APC2: variants seen among roughly 807,000 people sequenced by gnomAD.
APC2 encodes the protein adenomatous polyposis coli protein 2.
In APC2, 41 loss-of-function variants were observed where a neutral mutation model predicts 72.5. The ratio of observed to expected loss-of-function variants is 0.57; its 90% confidence interval spans 0.44 to 0.73. APC2 has a LOEUF of 0.73. Among genes scored for constraint, APC2 ranks in the 30% least tolerant of loss-of-function variants. APC2 has a pLI of 0.00. For synonymous variants in APC2, 1,898 were observed against 1,612.0 expected (o/e 1.18, Z -4.25); for missense variants, 3,729 against 3,403.4 (o/e 1.10, Z -2.38).
At chr19:1,446,640 C>T (rs1194590118), upstream of APC2, among the ~76,000 whole-genome samples, 1 of 152,058 alleles carries the variant, frequency 6.6e-6, no homozygotes, top group East Asian at 1.9e-4. The surrounding 1 kb of genome is among the most constrained non-coding windows in gnomAD (Gnocchi z 6.1). Flanking sequence ...CCTCGGACCC[C>T]TCCTCACTGC....
chr19:1,467,960 GGCTGCACCA>G lies in APC2; in HGVS notation c.4665_4673del (p.Ala1557_Pro1559del). On this transcript the variant is annotated inframe_deletion, in exon 15 of 15. Coordinates refer to ENST00000590469, the MANE Select transcript of APC2 (RefSeq NM_005883.3). ...GGAAGGAGGCCCCTGCCCCGTCCAAGGCTGCACCAGCTGCCCCGCCGCCCGCCCGGACCC... is the reference window on the plus strand; with the variant it reads ...GGAAGGAGGCCCCTGCCCCGTCCAAGGCTGCCCCGCCGCCCGCCCGGACCC... The G allele has an allele frequency of 6.3e-7, 1 of 1,581,696 alleles. No homozygotes were observed. The highest frequency in any genetic ancestry group is 1.1e-5 in the South Asian group (1 of 89,262).
rs899933553 is a variant in APC2, at chr19:1,452,870, C to G, written c.-18-114C>G. The G allele has an allele frequency of 3.8e-6, 5 of 1,318,594 alleles. No homozygotes were observed. The highest frequency in any genetic ancestry group is 2.5e-5 in the East Asian group (1 of 40,062). The allele number at this position is 1,318,594 out of a possible 1,614,324, so 81.7% of individuals were successfully genotyped here. ...CAGTGACTCCTGCCTGAGACCCCCC[C>G]CAACCCAGGATCAGGCAGGACGGCT... is the stretch of plus-strand genomic sequence containing the variant. On this transcript the variant is annotated intron_variant, in intron 1 of 14. Coordinates refer to ENST00000590469, the MANE Select transcript of APC2 (RefSeq NM_005883.3). This position sits in a 1 kb window ranked among gnomAD's most constrained non-coding sequence, Gnocchi z 5.1.
rs1468115407 is a variant in APC2, at chr19:1,466,227, G to C, written c.2926G>C (p.Ala976Pro). The part of the protein sequence containing the change: ...RLDLDLPGCQ[A>P]EPPAREATSA... Reference sequence around the variant, plus strand: ...TGACCTTGACCTGCCCGGCTGCCAGGCCGAGCCCCCGGCCCGCGAGGCCAC... The same window carrying C: ...TGACCTTGACCTGCCCGGCTGCCAGCCCGAGCCCCCGGCCCGCGAGGCCAC... The change falls in exon 15 of 15, where the codon GCC becomes CCC. Residue 976 changes from alanine to proline, a missense_variant. Coordinates refer to ENST00000590469, the MANE Select transcript of APC2 (RefSeq NM_005883.3). The C allele has an allele frequency of 6.5e-7, 1 of 1,543,646 alleles. No homozygotes were observed. The highest frequency in any genetic ancestry group is 1.2e-5 in the South Asian group (1 of 84,570).
intron 9 of APC2, 70 bp from the exon 10 acceptor site, chr19:1,457,895 C>CGGGTGGGGGG: frequency 8.1e-7 from 1 of 1,233,430 alleles, no homozygotes; most frequent in Non-Finnish European, 1.1e-6. Flanking sequence ...GGGCGGGTTG[C>CGGGTGGGGGG]GGGACCTTCG....
intron 4 of APC2, 116 bp downstream of exon 4, chr19:1,453,727 AC>A: frequency 7.4e-7 from 1 of 1,343,804 alleles, no homozygotes; most frequent in South Asian, 1.4e-5. Context: ...CACACGCCCC[AC>A]CCACTTGCAT....
rs1158394686 is a variant in APC2 at position 1,471,096 on chromosome 19, G to T, written c.*883G>T. The stretch of plus-strand genomic sequence containing the variant: ...TCGGCCCGGCGCAGCCGCGGCGGGC[G>T]AGGCCAATGGAAAGGAGACTGAGGG... On this transcript the variant is annotated 3_prime_UTR_variant, in exon 15 of 15. Transcript: ENST00000590469. The T allele has an allele frequency of 6.6e-6, 1 of 152,422 alleles. No homozygotes were observed. The highest frequency in any genetic ancestry group is 1.9e-4 in the East Asian group (1 of 5,168). The allele number at this position is 152,422 out of a possible 1,614,324, so 9.4% of individuals were successfully genotyped here.
In APC2 at chr19:1,450,259, T is replaced by G. The variant is rs1162358476; in HGVS notation, c.-98T>G. ...TCCGAGGCCACCCCGGGCCGGGATTTCCGGTGGGGCCCGCGGAGCCGCGCA... is the reference window on the plus strand; with the variant it reads ...TCCGAGGCCACCCCGGGCCGGGATTGCCGGTGGGGCCCGCGGAGCCGCGCA... On this transcript the variant is annotated 5_prime_UTR_variant, in exon 1 of 15. Transcript: ENST00000590469. 121 of 985,248 alleles carry G rather than the reference T, an allele frequency of 1.2e-4. No homozygotes were observed. The highest frequency in any genetic ancestry group is 1.4e-4 in the Non-Finnish European group (116 of 829,926). The allele number at this position is 985,248 out of a possible 1,614,324, so 61.0% of individuals were successfully genotyped here. A position where few individuals can be genotyped will look rare whatever the true frequency, so the allele number is the denominator to read the frequency against.
Position 1,467,852 on chromosome 19 carries a change from GC to G in APC2, c.4556del (p.Pro1519ArgfsTer61), listed in dbSNP as rs1412416554. 12 of 1,542,758 alleles carry G rather than the reference GC, an allele frequency of 7.8e-6. No individual in the cohort carries two copies. The highest frequency in any genetic ancestry group is 4.8e-5 in the East Asian group (2 of 42,082). On this transcript the variant is annotated frameshift_variant, in exon 15 of 15. Coordinates refer to ENST00000590469, the MANE Select transcript of APC2 (RefSeq NM_005883.3). LOFTEE classifies it low-confidence loss of function (END_TRUNC). ...TCTACGGCAACGACTCGGACGAGGA[GC>G]CCCCGGCGGCCGCGCCCACGCCAAC... is the stretch of plus-strand genomic sequence containing the variant. ...CFYGNDSDEE[P>X]PAAAPTPTHR...
rs1389868756 is a variant in APC2 at position 1,458,281 on chromosome 19, T to C, written c.1303+221T>C. ...CTGCGTGTGGCCTCCCGATCTGGTCTGAGGCTTCGGGGGTGACTTTCAGCC... is the reference window on the plus strand; with the variant it reads ...CTGCGTGTGGCCTCCCGATCTGGTCCGAGGCTTCGGGGGTGACTTTCAGCC... On this transcript the variant is annotated intron_variant, in intron 10 of 14. Coordinates refer to ENST00000590469, the MANE Select transcript of APC2 (RefSeq NM_005883.3). 3 of 580,322 alleles carry C rather than the reference T, an allele frequency of 5.2e-6. No individual in the cohort carries two copies. The African/African-American group carries it at 5.6e-5, about 11-fold the overall frequency. 35.9% of individuals were successfully genotyped at this position (580,322 alleles called of 1,614,324 possible).
Position 1,470,061 on chromosome 19 carries a change from G to A in APC2, c.6760G>A (p.Gly2254Arg). The change falls in exon 15 of 15, where the codon GGG becomes AGG. Residue 2254 changes from glycine (G) to arginine (R), a missense_variant. Transcript: ENST00000590469. ...GCACGAGGGCCTGGGGGTCGCCGTGGGGGGCTTCCCCGCCAGCCGGCACGG... is the reference window on the plus strand; with the variant it reads ...GCACGAGGGCCTGGGGGTCGCCGTGAGGGGCTTCCCCGCCAGCCGGCACGG... Reference protein sequence around the residue: ...FVHEGLGVAVGGFPASRHGSP... With the variant: ...FVHEGLGVAVRGFPASRHGSP... 4 of 1,589,482 alleles carry A rather than the reference G, an allele frequency of 2.5e-6. No homozygotes were observed. Among genetic ancestry groups the A allele is most frequent in the Non-Finnish European group, 3.4e-6 (4 of 1,172,214 alleles).
At position 1,455,467 on chromosome 19, in the gene APC2, C is replaced by A. The variant is rs753350102; in HGVS notation, c.606C>A (p.Phe202Leu). ...TCCGCTCGCTGATGGAGGAGCGCTTCGGCACCTCGGACGAGATGGTGCAGC... is the reference window on the plus strand; with the variant it reads ...TCCGCTCGCTGATGGAGGAGCGCTTAGGCACCTCGGACGAGATGGTGCAGC... ...QHIRSLMEER[F>L]GTSDEMVQRA... is the part of the protein sequence containing the mutation. The change falls in exon 6 of 15, where the codon TTC becomes TTA. Residue 202 changes from phenylalanine to leucine, a missense_variant. Physicochemically the swap from Phe to Leu is conservative, Grantham distance 22. Transcript: ENST00000590469. 1.6e-5 allele frequency: 25 copies of A among 1,604,216 alleles called. 1 individual carries two copies. In the South Asian group the frequency reaches 2.7e-4, roughly 17 times the overall value.
In APC2 at chr19:1,465,836, C is replaced by T; in HGVS notation, c.2535C>T (p.Ala845=). ...CAGCCGTGGCGGCCAAGGCCAAGGC[C>T]AAGCTGGCGCTTGCAGTGGCGCGCA... The part of the protein sequence containing the change: ...GEAAVAAKAK[A]KLALAVARID... The change falls in exon 15 of 15, where the codon GCC becomes GCT. Residue 845 remains alanine, a synonymous_variant. Coordinates refer to ENST00000590469, the MANE Select transcript of APC2 (RefSeq NM_005883.3). The T allele has an allele frequency of 6.3e-7, 1 of 1,578,126 alleles. No individual in the cohort carries two copies. Among genetic ancestry groups the T allele is most frequent in the Non-Finnish European group, 8.6e-7 (1 of 1,163,694 alleles).
rs1170600103 is a variant in APC2, at chr19:1,456,028, C to T, written c.640-48C>T. ...TCCCAGGGAGAGGCGGGGTCAGAGC[C>T]GGGGGCGGGGTCAGCTCCAGCACTT... On this transcript the variant is annotated intron_variant, in intron 6 of 14. Coordinates refer to ENST00000590469, the MANE Select transcript of APC2 (RefSeq NM_005883.3). 6 of 1,474,672 alleles carry T rather than the reference C, an allele frequency of 4.1e-6. No homozygotes were observed. In the African/African-American group the frequency reaches 6.1e-5, roughly 15 times the overall value. 91.3% of individuals were successfully genotyped at this position (1,474,672 alleles called of 1,614,324 possible).
Position 1,466,509 on chromosome 19 carries a change from T to A in APC2, c.3208T>A (p.Cys1070Ser), listed in dbSNP as rs762346618. The change falls in exon 15 of 15, where the codon TGC becomes AGC. Residue 1070 changes from cysteine to serine, a missense_variant. Transcript: ENST00000590469. The part of the protein sequence containing the change: ...AQEGPLSLSR[C>S]SSLSSLSSAG... Reference sequence around the variant, plus strand: ...AGAGGGGCCACTCTCGCTGTCCCGATGCAGCTCCCTTTCCTCGCTGTCCTC... The same window carrying A: ...AGAGGGGCCACTCTCGCTGTCCCGAAGCAGCTCCCTTTCCTCGCTGTCCTC... 1 of 1,596,566 alleles carries A rather than the reference T, an allele frequency of 6.3e-7. No individual in the cohort carries two copies. Among genetic ancestry groups the A allele is most frequent in the East Asian group, 2.2e-5 (1 of 44,790 alleles).
intron 9 of APC2, chr19:1,457,665 T>G (rs1313562420): frequency 3.8e-6 from 2 of 526,602 alleles, no homozygotes; most frequent in Non-Finnish European, 6.9e-6. Flanking sequence ...GCTACTGCAC[T>G]CCAGTCTGGA....
rs758655795 is a variant in APC2 at position 1,456,307 on chromosome 19, C to A, written c.719C>A (p.Ala240Asp). ...CCGACCCTGGTGCTCTCCCTGCAGG[C>A]CTTGCTGGCGGTGAAGTCGGTGCCG... ...QDRVQQTEPQ[A>D]LLAVKSVPVD... The change falls in exon 8 of 15, where the codon GCC becomes GAC. Residue 240 changes from alanine (A) to aspartate (D), a missense_variant and splice_region_variant. Physicochemically the swap from Ala to Asp is moderately radical, Grantham distance 126 (BLOSUM62 -2). Transcript: ENST00000590469. 5.0e-6 allele frequency: 8 copies of A among 1,606,884 alleles called. No homozygotes were observed. In the African/African-American group the frequency reaches 8.0e-5, roughly 16 times the overall value.
Position 1,466,490 on chromosome 19 carries a change from G to T in APC2, c.3189G>T (p.Gly1063=). Residue 1063 remains glycine, a synonymous_variant, in exon 15 of 15, where the codon GGG becomes GGT. Transcript: ENST00000590469. ...KALQKLAAQE[G]PLSLSRCSSL... Reference sequence around the variant, plus strand: ...TGCAGAAACTGGCGGCGCAAGAGGGGCCACTCTCGCTGTCCCGATGCAGCT... The same window carrying T: ...TGCAGAAACTGGCGGCGCAAGAGGGTCCACTCTCGCTGTCCCGATGCAGCT... 6.3e-7 allele frequency: 1 copy of T among 1,597,596 alleles called. No individual in the cohort carries two copies. Among genetic ancestry groups the T allele is most frequent in the Non-Finnish European group, 8.5e-7 (1 of 1,179,370 alleles).
chr19:1,458,689 G>C (rs1005116470), intron 10 of APC2: 1 of 152,336 alleles, frequency 6.6e-6, no homozygotes, highest in African/African-American at 2.4e-5. Flanking sequence ...GGGCAACAGA[G>C]CCAGACCCTG....
At position 1,469,697 on chromosome 19, in the gene APC2, G is replaced by A; in HGVS notation, c.6396G>A (p.Glu2132=). The A allele has an allele frequency of 2.9e-6, 4 of 1,369,076 alleles. No individual in the cohort carries two copies. The highest frequency in any genetic ancestry group is 3.8e-6 in the Non-Finnish European group (4 of 1,066,324). 84.8% of individuals were successfully genotyped at this position (1,369,076 alleles called of 1,614,324 possible). A position where few individuals can be genotyped will look rare whatever the true frequency, so the allele number is the denominator to read the frequency against. ...CCGCGCGCCGCAGCAGCGACGGGGA[G>A]CCCCGGCCGCTCCCCAGGGTGGCCG... ...ADAARRSSDG[E]PRPLPRVAAP... The change falls in exon 15 of 15, where the codon GAG becomes GAA. Residue 2132 remains glutamate, a synonymous_variant. Transcript: ENST00000590469.
Sources: allele counts gnomAD v4.1 joint callset (sites outside exome capture counted in the v4.1 genomes callset), GRCh38; gene constraint gnomAD v4.1.1; non-coding constraint Gnocchi (gnomAD v3.1); transcripts MANE v1.5; gene names NCBI Gene and HGNC (gene_info 2026-07-23, HGNC 2026-07-21).